BABAM2: variants seen among roughly 807,000 people sequenced by gnomAD.
BABAM2 encodes the protein BRISC and BRCA1-A complex member 2.
A neutral mutation model predicts 54.7 loss-of-function variants in BABAM2; 31 were observed. The ratio of observed to expected loss-of-function variants is 0.57; its 90% confidence interval spans 0.43 to 0.77. The LOEUF (loss-of-function observed/expected upper bound fraction) is 0.77. BABAM2 is among the 30% of genes least tolerant of loss of function. The probability of loss-of-function intolerance (pLI) is 0.00; values close to 1 mark genes in which losing one functional copy is unlikely to be tolerated. For synonymous variants in BABAM2, 167 were observed against 162.9 expected, an observed-to-expected ratio of 1.03 and a Z score of -0.19; for missense variants, 364 against 455.8, an observed-to-expected ratio of 0.80 and a Z score of 1.83.
chr2:28,039,226 C>G (rs1676887924), intron 5 of BABAM2, among the ~76,000 whole-genome samples: 1 of 152,172 alleles, frequency 6.6e-6, no homozygotes, highest in African/African-American at 2.4e-5. Flanking sequence ...CTCTGTGACT[C>G]TTTGTTACTC....
intron 10 of BABAM2, among the ~76,000 whole-genome samples, chr2:28,275,199 T>G (rs1007794450): frequency 4.6e-5 from 7 of 152,204 alleles, no homozygotes; most frequent in African/African-American, 1.4e-4. Flanking sequence ...ACGTGGCCAT[T>G]TGGATGAAGC....
chr2:27,985,983 G>A (rs1046979028), intron 3 of BABAM2, among the ~76,000 whole-genome samples: 1 of 152,146 alleles, frequency 6.6e-6, no homozygotes, highest in Non-Finnish European at 1.5e-5. Context: ...ATTAGGGTAG[G>A]CTTCATACAA....
chr2:27,903,282 A>C (rs1018383249), intron 2 of BABAM2, among the ~76,000 whole-genome samples: 1 of 152,210 alleles, frequency 6.6e-6, no homozygotes, highest in Admixed American at 6.5e-5. Context: ...AAATGTCATG[A>C]TAGCCAGTAG....
At chr2:27,929,051 T>TAAAAAA in intron 2 of BABAM2, among the ~76,000 whole-genome samples, 1 of 114,616 alleles carries the variant, frequency 8.7e-6, no homozygotes, top group Non-Finnish European at 1.7e-5. Flanking sequence ...CCTCCTCTCT[T>TAAAAAA]AAAAAAAAAA....
intron 7 of BABAM2, among the ~76,000 whole-genome samples, chr2:28,152,098 C>G (rs1672107467): frequency 6.6e-6 from 1 of 152,142 alleles, no homozygotes; most frequent in African/African-American, 2.4e-5. Flanking sequence ...TTTCCTGAGG[C>G]CTTTAAGCTA....
At chr2:28,244,673 C>A in intron 9 of BABAM2, 107 bp from the exon 10 acceptor site, 1 of 1,057,600 alleles carries the variant, frequency 9.5e-7, no homozygotes, top group Non-Finnish European at 1.4e-6. Context: ...ATCTCAAAGT[C>A]AATAACCCTG....
chr2:27,903,594 A>G (rs1314113275), intron 2 of BABAM2, among the ~76,000 whole-genome samples: 1 of 152,146 alleles, frequency 6.6e-6, no homozygotes, highest in Non-Finnish European at 1.5e-5. Flanking sequence ...TCATTAGGGG[A>G]TATGTTCCAA....
chr2:28,175,113 G>A (rs1674779587), intron 7 of BABAM2, among the ~76,000 whole-genome samples: 1 of 152,126 alleles, frequency 6.6e-6, no homozygotes, highest in African/African-American at 2.4e-5. Flanking sequence ...GTACCCTGAG[G>A]ACTGGCTCTT....
chr2:27,903,104 C>A (rs185131098), intron 2 of BABAM2, among the ~76,000 whole-genome samples: 18 of 151,318 alleles, frequency 1.2e-4, no homozygotes, highest in African/African-American at 3.9e-4. Context: ...CCCCCCCCAC[C>A]GTATGGATAA....
At chr2:28,141,042 G>C (rs1426097770) in intron 7 of BABAM2, among the ~76,000 whole-genome samples, 2 of 152,074 alleles carry the variant, frequency 1.3e-5, no homozygotes, top group East Asian at 1.9e-4. Flanking sequence ...TCTTGTAAAA[G>C]TACTTATTCC....
At chr2:28,260,729 C>T (rs1219520714) in intron 10 of BABAM2, among the ~76,000 whole-genome samples, 1 of 152,148 alleles carries the variant, frequency 6.6e-6, no homozygotes, top group Non-Finnish European at 1.5e-5. Flanking sequence ...ATCTACTGTA[C>T]CTCAATTTGA....
chr2:27,994,852 T>C (rs949815956), intron 4 of BABAM2, among the ~76,000 whole-genome samples: 1 of 152,170 alleles, frequency 6.6e-6, no homozygotes, highest in Non-Finnish European at 1.5e-5. Flanking sequence ...GTATAGATGA[T>C]AGGACAGTTT....
chr2:27,996,195 C>T (rs1673132469), intron 4 of BABAM2, among the ~76,000 whole-genome samples: 1 of 152,190 alleles, frequency 6.6e-6, no homozygotes, highest in Admixed American at 6.5e-5. Context: ...ACTACAGAGG[C>T]TCCAGATAAC....
chr2:28,194,836 A>G (rs1367704220), intron 7 of BABAM2, among the ~76,000 whole-genome samples: 2 of 152,158 alleles, frequency 1.3e-5, no homozygotes, highest in Non-Finnish European at 2.9e-5. Flanking sequence ...CTGAGATTAC[A>G]GGTGTGAGCC....
chr2:28,134,592 A>C (rs1325553319), intron 7 of BABAM2: 1 of 152,260 alleles, frequency 6.6e-6, no homozygotes, highest in Non-Finnish European at 1.5e-5. Context: ...ACCAGGTGGC[A>C]TCTTTCACAA....
intron 11 of BABAM2, among the ~76,000 whole-genome samples, chr2:28,335,899 G>A (rs1691421757): frequency 1.3e-5 from 2 of 152,334 alleles, no homozygotes; most frequent in South Asian, 2.1e-4. Context: ...CCGGGTTGCT[G>A]TGGGGCGTCT....
At chr2:27,939,969 C>A (rs1323779960) in intron 3 of BABAM2, among the ~76,000 whole-genome samples, 1 of 152,158 alleles carries the variant, frequency 6.6e-6, no homozygotes, top group Non-Finnish European at 1.5e-5. Flanking sequence ...AGGTCTTTTA[C>A]TGTGAAGAGA....
intron 10 of BABAM2, among the ~76,000 whole-genome samples, chr2:28,291,892 C>T (rs552705295): frequency 2.6e-5 from 4 of 152,262 alleles, no homozygotes; most frequent in African/African-American, 4.8e-5. Context: ...CGTGGTTGCT[C>T]GGTAAATATA....
rs1558346715 is a variant in BABAM2 at position 28,112,147 on chromosome 2, T to TTCTTTCTTTCTTTCTTTCCC, written c.571-17123_571-17122insCTTTCTTTCTTTCTTTCCCT. Among the ~76,000 whole-genome samples the TTCTTTCTTTCTTTCTTTCCC allele has an allele frequency of 4.8e-3, 25 of 5,248 alleles. 7 individuals are homozygous for TTCTTTCTTTCTTTCTTTCCC. The highest frequency in any genetic ancestry group is 6.7e-3 in the Non-Finnish European group (21 of 3,156). The allele number at this position is 5,248 out of a possible 152,430, so 3.4% of individuals were successfully genotyped here. ...TTTCTTTCTTTCTTTCTTTCTTTCT[T>TTCTTTCTTTCTTTCTTTCCC]TACCTCCCTCCCTCCCTCCCTCCCT... On this transcript the variant is annotated intron_variant, in intron 6 of 11. Transcript: ENST00000379624.
Sources: allele counts gnomAD v4.1 joint callset (sites outside exome capture counted in the v4.1 genomes callset), GRCh38; gene constraint gnomAD v4.1.1; transcripts MANE v1.5; gene names NCBI Gene and HGNC (gene_info 2026-07-23, HGNC 2026-07-21).